Variants in VPS13B observed in about 807,000 individuals in gnomAD.
VPS13B encodes the protein intermembrane lipid transfer protein VPS13B.
In VPS13B, 285 loss-of-function variants were observed where a neutral mutation model predicts 426.4. The ratio of observed to expected loss-of-function variants is 0.67; its 90% CI spans 0.61 to 0.74. The LOEUF (loss-of-function observed/expected upper bound fraction) is 0.74, where lower values mean the gene tolerates loss of function less well. VPS13B is among the 30% of genes least tolerant of loss of function. VPS13B has a pLI of 0.00. For synonymous variants in VPS13B, 1,676 were observed against 1,676.4 expected, an observed-to-expected ratio of 1.00 and a Z score of 0.01; for missense variants, 4,537 against 4,782.6, an observed-to-expected ratio of 0.95 and a Z score of 1.51.
At chr8:99,657,138 A>G (rs1413402869) in intron 34 of VPS13B, among the ~76,000 whole-genome samples, 1 of 152,118 alleles carries the variant, frequency 6.6e-6, no homozygotes, top group Non-Finnish European at 1.5e-5. Context: ...TCTCCTATTA[A>G]GTCATCTCCC....
intron 55 of VPS13B, among the ~76,000 whole-genome samples, chr8:99,851,535 G>T (rs1420901347): frequency 6.6e-6 from 1 of 152,176 alleles, no homozygotes; most frequent in Non-Finnish European, 1.5e-5. Context: ...AATTGGTGTA[G>T]GTAAGCTGCA....
At chr8:99,741,574 G>A (rs1448728171) in intron 39 of VPS13B, among the ~76,000 whole-genome samples, 1 of 152,170 alleles carries the variant, frequency 6.6e-6, no homozygotes, top group African/African-American at 2.4e-5. Context: ...ATAGTTGGAA[G>A]TAAAGCACCC....
intron 35 of VPS13B, among the ~76,000 whole-genome samples, chr8:99,683,778 C>A (rs1831254901): frequency 6.6e-6 from 1 of 152,198 alleles, no homozygotes; most frequent in Non-Finnish European, 1.5e-5. Flanking sequence ...GGGTTTTCAA[C>A]ATGGACAATT....
At chr8:99,737,658 T>C (rs904658011) in intron 39 of VPS13B, among the ~76,000 whole-genome samples, 2 of 152,228 alleles carry the variant, frequency 1.3e-5, no homozygotes, top group South Asian at 4.1e-4. Flanking sequence ...ATCAGACAGT[T>C]TTCTCTACCT....
At chr8:99,061,296 CTTTTTTT>C (rs36037937) in intron 3 of VPS13B, among the ~76,000 whole-genome samples, 32 of 112,948 alleles carry the variant, frequency 2.8e-4, no homozygotes, top group South Asian at 5.9e-4. Flanking sequence ...TGCTAATTTT[CTTTTTTT>C]TTTTTTTTTT....
intron 19 of VPS13B, among the ~76,000 whole-genome samples, chr8:99,360,188 T>TTCTTTCTCTC (rs1812459732): frequency 3.6e-5 from 1 of 28,046 alleles, no homozygotes; most frequent in African/African-American, 1.4e-4. Context: ...CTTTCTTTCT[T>TTCTTTCTCTC]TCTCTCTCTC....
chr8:99,303,235 G>A (rs1348985047), intron 19 of VPS13B, among the ~76,000 whole-genome samples: 4 of 116,366 alleles, frequency 3.4e-5, no homozygotes, highest in African/African-American at 1.4e-4. Flanking sequence ...AGCCAAGATT[G>A]CGCCACTGCA....
At chr8:99,558,138 A>G (rs1244918792) in intron 31 of VPS13B, among the ~76,000 whole-genome samples, 1 of 152,164 alleles carries the variant, frequency 6.6e-6, no homozygotes, top group Admixed American at 6.6e-5. Context: ...ATAATGGATT[A>G]TGCAACGCTT....
At chr8:99,782,656 G>A (rs1038620896) in intron 42 of VPS13B, among the ~76,000 whole-genome samples, 7 of 151,998 alleles carry the variant, frequency 4.6e-5, no homozygotes, top group Non-Finnish European at 7.4e-5. Flanking sequence ...GGAGGTCAGC[G>A]TAGTGCTGGA....
At chr8:99,516,004 A>AT (rs1399036562) in intron 29 of VPS13B, among the ~76,000 whole-genome samples, 4 of 152,050 alleles carry the variant, frequency 2.6e-5, no homozygotes, top group African/African-American at 9.7e-5. Context: ...GTATCTGTGC[A>AT]TGTATCTGTA....
intron 35 of VPS13B, among the ~76,000 whole-genome samples, chr8:99,694,714 A>G (rs1831869927): frequency 2.6e-5 from 4 of 151,222 alleles, no homozygotes; most frequent in African/African-American, 9.7e-5. Flanking sequence ...AATTAAACTA[A>G]AGAGCTTCTG....
At chr8:99,222,922 C>T (rs957842201) in intron 17 of VPS13B, among the ~76,000 whole-genome samples, 8 of 152,088 alleles carry the variant, frequency 5.3e-5, no homozygotes, top group East Asian at 1.9e-4. Context: ...CAGCAACCTC[C>T]GCCTCCTGGG....
intron 43 of VPS13B, among the ~76,000 whole-genome samples, chr8:99,798,047 G>A (rs1235237577): frequency 6.6e-6 from 1 of 151,946 alleles, no homozygotes; most frequent in Non-Finnish European, 1.5e-5. Flanking sequence ...TCTTTTTATT[G>A]TTGCTGACAT....
At chr8:99,316,717 G>T (rs1316175203) in intron 19 of VPS13B, among the ~76,000 whole-genome samples, 1 of 151,868 alleles carries the variant, frequency 6.6e-6, no homozygotes, top group African/African-American at 2.4e-5. Context: ...GAATTCCATT[G>T]TTCTTTCTTA....
intron 31 of VPS13B, 126 bp from the exon 32 acceptor site, chr8:99,575,532 A>T: frequency 9.0e-7 from 1 of 1,106,934 alleles, no homozygotes. Context: ...ATATGCAAAT[A>T]GGCACTCTCA....
intron 24 of VPS13B, among the ~76,000 whole-genome samples, chr8:99,474,220 C>T (rs1001347853): frequency 4.1e-4 from 53 of 128,460 alleles, no homozygotes; most frequent in African/African-American, 1.8e-3. Flanking sequence ...ACAGAGTCTC[C>T]CTCTGTTGCC....
At chr8:99,871,130 G>A in intron 60 of VPS13B, 1 of 600,618 alleles carries the variant, frequency 1.7e-6, no homozygotes, top group Non-Finnish European at 2.9e-6. Flanking sequence ...GTCATACATT[G>A]GCAGAGAAAC....
Position 99,835,239 on chromosome 8 carries a change from T to C in VPS13B, c.9657T>C (p.Tyr3219=), listed in dbSNP as rs780634043. 14 of 1,613,896 alleles carry C rather than the reference T, an allele frequency of 8.7e-6. No homozygotes were observed. The African/African-American group carries it at 1.5e-4, about 17-fold the overall frequency. ...LTYQEHLGVT[Y]LTLSEDPSPR... ...ATCAAGAACACCTCGGAGTGACTTA[T>C]TTAACCCTCTCAGAAGACCCTAGTC... The change falls in exon 53 of 62, where the codon TAT becomes TAC. Residue 3219 remains tyrosine, a synonymous_variant. Coordinates refer to ENST00000357162, the MANE Select transcript of VPS13B (RefSeq NM_152564.5).
At chr8:99,169,308 A>G (rs1444750963) in intron 15 of VPS13B, among the ~76,000 whole-genome samples, 1 of 152,036 alleles carries the variant, frequency 6.6e-6, no homozygotes, top group Non-Finnish European at 1.5e-5. Context: ...CAGAAATATC[A>G]TCAGTTCTCT....
Sources: allele counts gnomAD v4.1 joint callset (sites outside exome capture counted in the v4.1 genomes callset), GRCh38; gene constraint gnomAD v4.1.1; transcripts MANE v1.5; gene names NCBI Gene and HGNC (gene_info 2026-07-23, HGNC 2026-07-21).